Variants in RNF13 observed in about 807,000 individuals in gnomAD.
RNF13 encodes the protein E3 ubiquitin-protein ligase RNF13.
RNF13 carries 19 observed loss-of-function variants against 37.7 expected under a neutral mutation model. That is an observed-to-expected ratio of 0.50 (90% confidence interval 0.35 to 0.74). The LOEUF is 0.74. RNF13 is among the 30% of genes least tolerant of loss of function. RNF13 has a pLI of 0.01. For missense variants in RNF13, 375 were observed against 453.0 expected, an observed-to-expected ratio of 0.83 and a Z score of 1.56; for synonymous variants, 144 against 157.8, an observed-to-expected ratio of 0.91 and a Z score of 0.65.
chr3:149,952,693 G>A (rs139347278), intron 8 of RNF13, among the ~76,000 whole-genome samples: 1,825 of 151,886 alleles, frequency 0.012, 21 homozygotes, highest in Non-Finnish European at 0.014. Flanking sequence ...TCTGCCTCCC[G>A]GGTTCAAGCG....
chr3:149,852,741 C>A, intron 3 of RNF13, 145 bp downstream of exon 3: 1 of 419,330 alleles, frequency 2.4e-6, no homozygotes, highest in Non-Finnish European at 4.3e-6. Flanking sequence ...TCAGATTATT[C>A]AAAAGATATC....
intron 4 of RNF13, among the ~76,000 whole-genome samples, chr3:149,872,920 A>G (rs1463501808): frequency 6.6e-6 from 1 of 152,222 alleles, no homozygotes; most frequent in African/African-American, 2.4e-5. Flanking sequence ...GAATAAAATA[A>G]TATAAAGGGA....
chr3:149,819,980 AATT>A (rs1184410791), intron 1 of RNF13, among the ~76,000 whole-genome samples: 5 of 152,168 alleles, frequency 3.3e-5, no homozygotes, highest in African/African-American at 1.2e-4. Context: ...TAGAGTTAAT[AATT>A]ATTAAATATT....
chr3:149,948,267 T>C (rs561396472), intron 8 of RNF13, among the ~76,000 whole-genome samples: 13 of 152,278 alleles, frequency 8.5e-5, no homozygotes, highest in Non-Finnish European at 1.2e-4. Flanking sequence ...TTTTTAGATA[T>C]AAAATGATTT....
chr3:149,813,747 TAGA>T (rs1369499286), intron 1 of RNF13: 1 of 152,384 alleles, frequency 6.6e-6, no homozygotes, highest in Non-Finnish European at 1.5e-5. Flanking sequence ...TGTCTCTGAA[TAGA>T]AGGAGGGCAG....
intron 4 of RNF13, among the ~76,000 whole-genome samples, chr3:149,873,411 A>C (rs530313166): frequency 6.6e-6 from 1 of 152,340 alleles, no homozygotes; most frequent in Admixed American, 6.5e-5. Flanking sequence ...TCAGGAATGA[A>C]TACAGTAGGC....
At chr3:149,826,169 T>G (rs901549358) in intron 1 of RNF13, among the ~76,000 whole-genome samples, 2 of 152,202 alleles carry the variant, frequency 1.3e-5, no homozygotes, top group Admixed American at 1.3e-4. Flanking sequence ...CTGAGCTCCT[T>G]GTCAGAGGGA....
intron 4 of RNF13, among the ~76,000 whole-genome samples, chr3:149,876,204 C>G (rs1712670241): frequency 6.6e-6 from 1 of 152,188 alleles, no homozygotes; most frequent in African/African-American, 2.4e-5. Flanking sequence ...TGGACTTTAG[C>G]AAAGGCTGGT....
chr3:149,892,107 A>T (rs1233123647), intron 4 of RNF13, among the ~76,000 whole-genome samples: 2 of 152,206 alleles, frequency 1.3e-5, no homozygotes, highest in East Asian at 3.9e-4. Flanking sequence ...GAAAACATGC[A>T]TCTATTTTTT....
intron 8 of RNF13, among the ~76,000 whole-genome samples, chr3:149,941,007 T>C (rs1236972142): frequency 6.6e-6 from 1 of 152,214 alleles, no homozygotes; most frequent in African/African-American, 2.4e-5. Context: ...TTCACCTATG[T>C]TGTGGCATGT....
chr3:149,953,501 A>G (rs1721547907), intron 8 of RNF13, among the ~76,000 whole-genome samples: 1 of 152,240 alleles, frequency 6.6e-6, no homozygotes, highest in African/African-American at 2.4e-5. Flanking sequence ...TAAATATCTG[A>G]AGAAAAAAGT....
intron 7 of RNF13, among the ~76,000 whole-genome samples, chr3:149,917,091 G>C (rs1717603242): frequency 6.6e-6 from 1 of 152,120 alleles, no homozygotes; most frequent in African/African-American, 2.4e-5. Context: ...ACTCTTAGCT[G>C]TTCTCTGCCC....
At chr3:149,942,170 A>G (rs1237102289) in intron 8 of RNF13, among the ~76,000 whole-genome samples, 1 of 151,940 alleles carries the variant, frequency 6.6e-6, no homozygotes, top group East Asian at 1.9e-4. Context: ...TGTTCTTTTC[A>G]AGATTGTTTT....
chr3:149,821,204 A>G (rs532541010), intron 1 of RNF13, among the ~76,000 whole-genome samples: 63 of 152,230 alleles, frequency 4.1e-4, no homozygotes, highest in African/African-American at 1.4e-3. Context: ...GCTGGGTCTT[A>G]TGGTAATTTT....
chr3:149,960,721 G>A lies in RNF13; in HGVS notation c.782-19G>A. 5.1e-6 allele frequency: 8 copies of A among 1,581,910 alleles called. No individual in the cohort carries two copies. The highest frequency in any genetic ancestry group is 6.9e-6 in the Non-Finnish European group (8 of 1,167,406). ...CAACCGCAGCATACTAACTAAAGAT[G>A]TATATTTTGCTTCAACAGCTTATCA... On this transcript the variant is annotated intron_variant, in intron 9 of 9. Coordinates refer to ENST00000392894, the MANE Select transcript of RNF13 (RefSeq NM_183381.3).
chr3:149,961,099 G>A lies in RNF13; in HGVS notation c.1141G>A (p.Val381Ile). Residue 381 changes from valine (V) to isoleucine (I), a missense_variant, in exon 10 of 10, where the codon GTT becomes ATT. By Grantham distance (29) the Val-to-Ile change is conservative (BLOSUM62 3). Coordinates refer to ENST00000392894, the MANE Select transcript of RNF13 (RefSeq NM_183381.3). The part of the protein sequence containing the change: ...GERDYNIANT[V>I] The stretch of plus-strand genomic sequence containing the variant: ...ACGGGATTACAACATAGCAAATACT[G>A]TTTGACTTTCAGAAGATGATTGGTT... 6.3e-7 allele frequency: 1 copy of A among 1,596,190 alleles called. No homozygotes were observed. The highest frequency in any genetic ancestry group is 8.5e-7 in the Non-Finnish European group (1 of 1,170,198).
At chr3:149,928,882 A>C (rs978907687) in intron 8 of RNF13, among the ~76,000 whole-genome samples, 2 of 152,012 alleles carry the variant, frequency 1.3e-5, no homozygotes, top group Non-Finnish European at 2.9e-5. Flanking sequence ...TCAGTCTATA[A>C]GTCTTTCATC....
intron 1 of RNF13, among the ~76,000 whole-genome samples, chr3:149,836,786 G>C (rs1051027353): frequency 6.6e-6 from 1 of 152,004 alleles, no homozygotes; most frequent in Non-Finnish European, 1.5e-5. Flanking sequence ...AGTAACATGG[G>C]GTATGTACAT....
At chr3:149,938,914 A>G (rs1719976094) in intron 8 of RNF13, 2 of 360,168 alleles carry the variant, frequency 5.6e-6, no homozygotes, top group Non-Finnish European at 1.0e-5. Context: ...GCATTATAAA[A>G]AGGACAGCCA....
Sources: gnomAD v4.1 joint callset for allele counts (sites outside exome capture counted in the v4.1 genomes callset) on GRCh38, gnomAD v4.1.1 for gene constraint, MANE v1.5 for transcripts, NCBI Gene and HGNC (gene_info 2026-07-23, HGNC 2026-07-21) for gene names.